The following RBMS3 variants were observed in gnomAD, a reference collection of about 807,000 sequenced individuals.
The protein encoded by RBMS3 is RNA binding motif single stranded interacting protein 3, also known as RNA-binding motif, single-stranded-interacting protein 3.
Under a neutral mutation model 66.8 loss-of-function variants are expected in RBMS3, and 27 were observed. The ratio of observed to expected loss-of-function variants is 0.40; its 90% CI spans 0.30 to 0.56. The LOEUF (loss-of-function observed/expected upper bound fraction) is 0.56. RBMS3 is among the 20% of genes least tolerant of loss of function. The pLI, the probability that RBMS3 is intolerant of heterozygous loss-of-function variation, is 0.40. For missense variants in RBMS3, 513 were observed against 549.5 expected (o/e 0.93, Z 0.66); for synonymous variants, 188 against 183.0 (o/e 1.03, Z -0.22).
At chr3:29,426,035 G>A (rs2040946285) in intron 1 of RBMS3, among the ~76,000 whole-genome samples, 1 of 152,072 alleles carries the variant, frequency 6.6e-6, no homozygotes, top group African/African-American at 2.4e-5. Context: ...TCTCCAGCTG[G>A]GGAACACATC....
chr3:29,549,308 G>A (rs1197128594), intron 3 of RBMS3, among the ~76,000 whole-genome samples: 3 of 151,912 alleles, frequency 2.0e-5, no homozygotes, highest in Non-Finnish European at 4.4e-5. Context: ...ACAGAAGAAG[G>A]TGAGCTAGGA....
chr3:29,399,537 T>C (rs760883374), intron 1 of RBMS3, among the ~76,000 whole-genome samples: 1 of 152,202 alleles, frequency 6.6e-6, no homozygotes, highest in Non-Finnish European at 1.5e-5. Context: ...CAAACATCCA[T>C]GGCACTTCGG....
intron 4 of RBMS3, among the ~76,000 whole-genome samples, chr3:29,608,951 C>A (rs1339275989): frequency 6.6e-6 from 1 of 151,944 alleles, no homozygotes; most frequent in African/African-American, 2.4e-5. Flanking sequence ...TTATAAATTT[C>A]ATTCATATTC....
chr3:29,901,279 C>A (rs2060246788), intron 10 of RBMS3, among the ~76,000 whole-genome samples: 1 of 151,770 alleles, frequency 6.6e-6, no homozygotes, highest in African/African-American at 2.4e-5. Context: ...GAAAGAAGTC[C>A]TGCCAAGTTC....
intron 12 of RBMS3, among the ~76,000 whole-genome samples, chr3:29,962,221 T>G (rs1696512009): frequency 6.6e-6 from 1 of 151,310 alleles, no homozygotes; most frequent in South Asian, 2.1e-4. Context: ...AAATCCCTAT[T>G]TGAGTTTATC....
At chr3:29,900,857 G>A (rs747324549) in intron 10 of RBMS3, among the ~76,000 whole-genome samples, 10 of 151,706 alleles carry the variant, frequency 6.6e-5, no homozygotes, top group Non-Finnish European at 1.2e-4. Context: ...GAAGATAAAT[G>A]TAAGTAAGTT....
intron 1 of RBMS3, among the ~76,000 whole-genome samples, chr3:29,331,815 C>CTTTTTTTTTTTTTTT (rs11354452): frequency 7.2e-5 from 5 of 69,690 alleles, no homozygotes; most frequent in African/African-American, 1.2e-4. Context: ...AGGATAGCTC[C>CTTTTTTTTTTTTTTT]TTTTTTTTTT....
At chr3:29,558,043 C>T (rs527476350) in intron 3 of RBMS3, among the ~76,000 whole-genome samples, 166 of 152,082 alleles carry the variant, frequency 1.1e-3, no homozygotes, top group African/African-American at 3.5e-3. Context: ...GGATATGAGG[C>T]CAAGGCAACA....
In RBMS3 at chr3:29,805,753, A is replaced by G. The variant is rs956330558; in HGVS notation, c.637+42764A>G. Among the ~76,000 whole-genome samples, 23 of 152,108 alleles carry G rather than the reference A, an allele frequency of 1.5e-4. 1 individual carries two copies. The highest frequency in any genetic ancestry group is 8.8e-5 in the Non-Finnish European group (6 of 67,944). On this transcript the variant is annotated intron_variant, in intron 6 of 14. Transcript: ENST00000383767. ...GTGTTTTAAGCTAAATGTGATTACT[A>G]AAGAGTCAAAATTTAAAAAGATTAA... is the stretch of plus-strand genomic sequence containing the variant.
chr3:29,789,164 T>C (rs1255562565), intron 6 of RBMS3, among the ~76,000 whole-genome samples: 1 of 151,342 alleles, frequency 6.6e-6, no homozygotes, highest in Admixed American at 6.7e-5. Flanking sequence ...ATTCATGATG[T>C]ATTTTTTTTG....
At chr3:29,617,881 A>G (rs2048722513) in intron 4 of RBMS3, among the ~76,000 whole-genome samples, 1 of 152,204 alleles carries the variant, frequency 6.6e-6, no homozygotes, top group Non-Finnish European at 1.5e-5. Context: ...AAGGCAGAGA[A>G]TGTCCCTGCG....
intron 10 of RBMS3, among the ~76,000 whole-genome samples, chr3:29,902,776 C>T (rs541900204): frequency 5.9e-5 from 9 of 152,062 alleles, no homozygotes; most frequent in African/African-American, 2.2e-4. Context: ...AGCGTGTACA[C>T]TGATTCCTGA....
chr3:29,829,662 A>G (rs1002731214), intron 6 of RBMS3, among the ~76,000 whole-genome samples: 2 of 152,202 alleles, frequency 1.3e-5, no homozygotes, highest in Non-Finnish European at 2.9e-5. Context: ...TAAAATATTT[A>G]TATTCTGCCT....
chr3:29,417,553 C>T (rs1466727546), intron 1 of RBMS3, among the ~76,000 whole-genome samples: 1 of 152,036 alleles, frequency 6.6e-6, no homozygotes, highest in African/African-American at 2.4e-5. Context: ...ATATTGGTAT[C>T]CCTTAGTATG....
chr3:29,550,511 T>C (rs1393601697), intron 3 of RBMS3, among the ~76,000 whole-genome samples: 5 of 152,152 alleles, frequency 3.3e-5, no homozygotes, highest in Admixed American at 6.5e-5. Flanking sequence ...AGTATTCAAA[T>C]AGTATAATAG....
intron 3 of RBMS3, among the ~76,000 whole-genome samples, chr3:29,560,609 C>T (rs1268134467): frequency 6.6e-6 from 1 of 152,176 alleles, no homozygotes; most frequent in East Asian, 1.9e-4. Context: ...CAGCAAGTGG[C>T]CCCAAGTAGT....
intron 3 of RBMS3, among the ~76,000 whole-genome samples, chr3:29,537,175 G>A (rs1300883509): frequency 6.6e-6 from 1 of 152,182 alleles, no homozygotes; most frequent in Non-Finnish European, 1.5e-5. Context: ...GGTAAAAAAG[G>A]TAAAACTGAC....
chr3:29,431,057 ATACTT>A (rs1401491069), intron 1 of RBMS3, among the ~76,000 whole-genome samples: 1 of 152,220 alleles, frequency 6.6e-6, no homozygotes, highest in African/African-American at 2.4e-5. Context: ...GCTAAACAGA[ATACTT>A]TATGTCAGGA....
chr3:29,651,292 T>C (rs2050136569), intron 4 of RBMS3, among the ~76,000 whole-genome samples: 1 of 152,206 alleles, frequency 6.6e-6, no homozygotes, highest in South Asian at 2.1e-4. Context: ...CATCTAATAT[T>C]GCACTTAGAA....
Sources: gnomAD v4.1 joint callset for allele counts (sites outside exome capture counted in the v4.1 genomes callset) on GRCh38, gnomAD v4.1.1 for gene constraint, MANE v1.5 for transcripts, NCBI Gene and HGNC (gene_info 2026-07-23, HGNC 2026-07-21) for gene names.